The following FAT3 variants were observed in gnomAD, a reference collection of about 807,000 sequenced individuals.
FAT3 encodes the protein FAT atypical cadherin 3.
In FAT3, 95 loss-of-function variants were observed where a neutral mutation model predicts 310.2. The ratio of observed to expected loss-of-function variants is 0.31; its 90% CI spans 0.26 to 0.36. The LOEUF is 0.36. FAT3 is among the 10% of genes least tolerant of loss of function. FAT3 has a pLI of 1.00. For synonymous variants in FAT3, 2,314 were observed against 2,192.9 expected (o/e 1.06, Z -1.54); for missense variants, 5,408 against 5,715.6 (o/e 0.95, Z 1.74).
intron 2 of FAT3, among the ~76,000 whole-genome samples, chr11:92,518,559 T>C (rs1953572627): frequency 6.6e-6 from 1 of 151,860 alleles, no homozygotes; most frequent in Non-Finnish European, 1.5e-5. Context: ...ATACCTAATG[T>C]AGATGACAGG....
At chr11:92,461,588 G>A (rs1951639956) in intron 2 of FAT3, among the ~76,000 whole-genome samples, 1 of 152,078 alleles carries the variant, frequency 6.6e-6, no homozygotes, top group Admixed American at 6.6e-5. Flanking sequence ...CACACCTGAT[G>A]AAAAGAAACC....
At chr11:92,842,777 G>A (rs145139643) in intron 18 of FAT3, among the ~76,000 whole-genome samples, 54 of 152,350 alleles carry the variant, frequency 3.5e-4, no homozygotes, top group African/African-American at 1.2e-3. Flanking sequence ...TACTCAGGAG[G>A]CTGAGGTGGG....
In FAT3 at chr11:92,754,627, C is replaced by CAAAAAAAAAA. The variant is rs71064722; in HGVS notation, c.3670-7220_3670-7211dup. 5.4e-3 allele frequency among the ~76,000 whole-genome samples: 175 copies of CAAAAAAAAAA among 32,696 alleles called. 28 individuals carry two copies. Among genetic ancestry groups the CAAAAAAAAAA allele is most frequent in the African/African-American group, 0.033 (141 of 4,336 alleles). 21.4% of individuals were successfully genotyped at this position (32,696 alleles called of 152,430 possible). A position where few individuals can be genotyped will look rare whatever the true frequency, so the allele number is the denominator to read the frequency against. On this transcript the variant is annotated intron_variant, in intron 4 of 27. Coordinates refer to ENST00000525166, the MANE Select transcript of FAT3 (RefSeq NM_001367949.2). Reference sequence around the variant, plus strand: ...TGGGCGACAGAGGAAGACTCTGCCTCAAAAAAAAAAAAAAAAAAGGAGATA... The same window carrying CAAAAAAAAAA: ...TGGGCGACAGAGGAAGACTCTGCCTCAAAAAAAAAAAAAAAAAAAAAAAAAAAAGGAGATA...
chr11:92,434,553 C>T (rs942574364), intron 2 of FAT3, among the ~76,000 whole-genome samples: 5 of 152,118 alleles, frequency 3.3e-5, no homozygotes, highest in African/African-American at 9.7e-5. Context: ...ATATCTCCTG[C>T]ACCTGACATT....
In FAT3 at chr11:92,751,269, G is replaced by A. The variant is rs11820159; in HGVS notation, c.3670-10587G>A. ...TTCTGTGCCCTGTTTCTAATCTGTC[G>A]TGTGGGGATAATAATCGCATCTTAC... is the stretch of plus-strand genomic sequence containing the variant. On this transcript the variant is annotated intron_variant, in intron 4 of 27. Coordinates refer to ENST00000525166, the MANE Select transcript of FAT3 (RefSeq NM_001367949.2). 8.8e-3 allele frequency among the ~76,000 whole-genome samples: 1,345 copies of A among 152,304 alleles called. 18 individuals carry two copies. Among genetic ancestry groups the A allele is most frequent in the African/African-American group, 0.03 (1,263 of 41,554 alleles).
chr11:92,790,347 A>G (rs993805499), intron 8 of FAT3, 129 bp downstream of exon 8: 3 of 1,045,848 alleles, frequency 2.9e-6, no homozygotes, highest in Admixed American at 4.9e-5. Flanking sequence ...TCACAGAGAG[A>G]TTGCATTCAT....
intron 4 of FAT3, among the ~76,000 whole-genome samples, chr11:92,719,733 T>A (rs1022408669): frequency 7.6e-6 from 1 of 132,442 alleles, no homozygotes; most frequent in East Asian, 2.0e-4. Context: ...TGTGTGTGTG[T>A]GTGTGTGTGT....
chr11:92,278,220 G>C (rs1246127342), intron 1 of FAT3, among the ~76,000 whole-genome samples: 5 of 152,230 alleles, frequency 3.3e-5, no homozygotes, highest in African/African-American at 1.2e-4. Flanking sequence ...ACATGTTTAA[G>C]GTATGCATTA....
chr11:92,447,323 A>G (rs914544209), intron 2 of FAT3, among the ~76,000 whole-genome samples: 2 of 150,006 alleles, frequency 1.3e-5, no homozygotes, highest in African/African-American at 4.9e-5. Flanking sequence ...TCCACTTTTC[A>G]CTCCCTGAGT....
intron 1 of FAT3, among the ~76,000 whole-genome samples, chr11:92,347,367 T>C (rs1337674391): frequency 6.6e-6 from 1 of 152,100 alleles, no homozygotes; most frequent in African/African-American, 2.4e-5. Flanking sequence ...ATTTCTTGAG[T>C]ACCCTCCCGA....
chr11:92,229,735 T>A (rs931954997), intron 1 of FAT3, among the ~76,000 whole-genome samples: 1 of 151,486 alleles, frequency 6.6e-6, no homozygotes, highest in African/African-American at 2.4e-5. Flanking sequence ...AGTTCTGAAT[T>A]GGAATGGCAT....
rs186333150 is a variant in FAT3, at chr11:92,788,467, A to T, written c.4336-1476A>T. On this transcript the variant is annotated intron_variant, in intron 7 of 27. Transcript: ENST00000525166. Reference sequence around the variant, plus strand: ...TATGAAATGTACTTCACAGTAACCAAATAGTTGAGAAGTTTCTTTTTAGAG... The same window carrying T: ...TATGAAATGTACTTCACAGTAACCATATAGTTGAGAAGTTTCTTTTTAGAG... Among the ~76,000 whole-genome samples, 210 of 152,320 alleles carry T rather than the reference A, an allele frequency of 1.4e-3. 1 individual carries two copies. Among genetic ancestry groups the T allele is most frequent in the African/African-American group, 4.9e-3 (204 of 41,580 alleles).
At chr11:92,370,536 T>C (rs1181286790) in intron 2 of FAT3, among the ~76,000 whole-genome samples, 1 of 152,186 alleles carries the variant, frequency 6.6e-6, no homozygotes, top group Non-Finnish European at 1.5e-5. Flanking sequence ...TAATAGAATA[T>C]TTGGTTAATA....
Position 92,553,107 on chromosome 11 carries a change from C to CA in FAT3, c.3607+28166dup, listed in dbSNP as rs368433736. Among the ~76,000 whole-genome samples the CA allele has an allele frequency of 1.4e-3, 220 of 151,966 alleles. 1 individual carries two copies. Among genetic ancestry groups the CA allele is most frequent in the African/African-American group, 4.7e-3 (196 of 41,468 alleles). ...TTTCAGCTTCTTCTCATTCCTAAGC[C>CA]AAAAAAACAAAACAGGTTTTTCAAG... On this transcript the variant is annotated intron_variant, in intron 3 of 27. Coordinates refer to ENST00000525166, the MANE Select transcript of FAT3 (RefSeq NM_001367949.2).
At chr11:92,610,513 C>T (rs1003261263) in intron 3 of FAT3, among the ~76,000 whole-genome samples, 6 of 151,996 alleles carry the variant, frequency 3.9e-5, no homozygotes, top group African/African-American at 1.4e-4. Context: ...GCCCAACTTC[C>T]TTTTTTAGAC....
rs756965685 is a variant in FAT3, at chr11:92,890,723, A to G, written c.13380A>G (p.Pro4460=). The change falls in exon 28 of 28, where the codon CCA becomes CCG. Residue 4460 remains proline, a synonymous_variant. Transcript: ENST00000525166. ...QLPPPLPEDF[P]DQYEALPPSQ... ...CTCCTCCTCTCCCGGAGGACTTCCC[A>G]GACCAATATGAGGCCCTGCCACCCT... 1.6e-5 allele frequency: 26 copies of G among 1,613,492 alleles called. No homozygotes were observed. The East Asian group carries it at 2.5e-4, about 15-fold the overall frequency.
At chr11:92,370,434 C>T (rs939350482) in intron 2 of FAT3, among the ~76,000 whole-genome samples, 2 of 152,164 alleles carry the variant, frequency 1.3e-5, no homozygotes, top group Non-Finnish European at 2.9e-5. Context: ...CTCCTTCATG[C>T]GTGTTGGTCC....
intron 3 of FAT3, among the ~76,000 whole-genome samples, chr11:92,605,040 A>G (rs1375053378): frequency 6.6e-6 from 1 of 152,188 alleles, no homozygotes; most frequent in Non-Finnish European, 1.5e-5. Context: ...CAGTGTATAA[A>G]TCTAAAACAG....
intron 1 of FAT3, among the ~76,000 whole-genome samples, chr11:92,328,016 G>C (rs897392975): frequency 1.3e-5 from 2 of 152,280 alleles, no homozygotes; most frequent in South Asian, 2.1e-4. Context: ...TGAAGGCTAT[G>C]ATTTTCAGCC....
Sources: gnomAD v4.1 joint callset for allele counts (sites outside exome capture counted in the v4.1 genomes callset) on GRCh38, gnomAD v4.1.1 for gene constraint, MANE v1.5 for transcripts, NCBI Gene and HGNC (gene_info 2026-07-23, HGNC 2026-07-21) for gene names.